The following LIMS2 variants were observed in gnomAD, a reference collection of about 807,000 sequenced individuals.
LIMS2 encodes LIM and senescent cell antigen-like-containing domain protein 2.
A neutral mutation model predicts 45.3 loss-of-function variants in LIMS2; 30 were observed. The observed-to-expected ratio is 0.66, with a 90% CI of 0.50 to 0.90. The LOEUF is 0.90. LIMS2 is among the 40% of genes least tolerant of loss of function. The probability of loss-of-function intolerance (pLI) is 0.00; values close to 1 mark genes in which losing one functional copy is unlikely to be tolerated. For synonymous variants in LIMS2, 173 were observed against 188.0 expected, an observed-to-expected ratio of 0.92 and a Z score of 0.65; for missense variants, 485 against 468.7, an observed-to-expected ratio of 1.03 and a Z score of -0.32.
In LIMS2 at chr2:127,667,901, T is replaced by A. The variant is rs1052736570; in HGVS notation, c.11+7113A>T. ...AAGGAAGAGTAAAACTATTTTTATT[T>A]ACATATTACATACTCATATATAGAA... On this transcript the variant is annotated intron_variant, in intron 1 of 9. Transcript: ENST00000355119. The surrounding 1 kb of genome is among the most constrained non-coding windows in gnomAD (Gnocchi z 4.1). Among the ~76,000 whole-genome samples the A allele has an allele frequency of 6.6e-6, 1 of 152,246 alleles. No homozygotes were observed. Among genetic ancestry groups the A allele is most frequent in the African/African-American group, 2.4e-5 (1 of 41,460 alleles).
chr2:127,660,233 T>C (rs1684529125), intron 1 of LIMS2, among the ~76,000 whole-genome samples: 1 of 152,136 alleles, frequency 6.6e-6, no homozygotes. Context: ...ATTAGCACTC[T>C]GTAAAATGGA....
chr2:127,657,422 G>A lies in LIMS2; in HGVS notation c.152C>T (p.Pro51Leu). ...FVCAQCFRPF[P>L]EGLFYEFEGR... ...CCTCACCTCATAGAAGAGCCCCTCGGGGAAGGGCCGGAAGCACTGGGCACA... is the reference window on the plus strand; with the variant it reads ...CCTCACCTCATAGAAGAGCCCCTCGAGGAAGGGCCGGAAGCACTGGGCACA... The change falls in exon 2 of 10, where the codon CCC (proline) becomes CTC (leucine). Residue 51 changes from proline (P) to leucine (L), a missense_variant. Physicochemically the swap from Pro to Leu is moderately conservative, Grantham distance 98. Transcript: ENST00000355119. 6.2e-7 allele frequency: 1 copy of A among 1,613,898 alleles called. No individual in the cohort carries two copies.
rs1682353160 is a variant in LIMS2 at position 127,641,008 on chromosome 2, G to A, written c.661-20C>T. 3 of 1,608,574 alleles carry A rather than the reference G, an allele frequency of 1.9e-6. No individual in the cohort carries two copies. ...AAAGTGCTGCAAGGACAAAGGGCGG[G>A]CCGGGTGGCATCAGGGCTAGAGCGG... On this transcript the variant is annotated intron_variant, in intron 6 of 9. Coordinates refer to ENST00000355119, the MANE Select transcript of LIMS2 (RefSeq NM_001161403.3).
Position 127,647,132 on chromosome 2 carries a change from T to C in LIMS2, c.360-4060A>G, listed in dbSNP as rs1683075236. ...CCACCCCTGCCGTCACTCAGGGCCC[T>C]GAGCCCAGTAACACTCTGCCGTCAC... is the stretch of plus-strand genomic sequence containing the variant. On this transcript the variant is annotated intron_variant, in intron 4 of 9. Transcript: ENST00000355119. This position sits in a 1 kb window ranked among gnomAD's most constrained non-coding sequence, Gnocchi z 4.3. 6.6e-6 allele frequency among the ~76,000 whole-genome samples: 1 copy of C among 152,180 alleles called. No individual in the cohort carries two copies. The highest frequency in any genetic ancestry group is 1.5e-5 in the Non-Finnish European group (1 of 68,022).
Position 127,664,652 on chromosome 2 carries a change from C to T in LIMS2, c.12-7090G>A. 7 of 1,071,734 alleles carry T rather than the reference C, an allele frequency of 6.5e-6. No homozygotes were observed. The highest frequency in any genetic ancestry group is 7.9e-6 in the Non-Finnish European group (7 of 883,856). The allele number at this position is 1,071,734 out of a possible 1,614,324, so 66.4% of individuals were successfully genotyped here. On this transcript the variant is annotated intron_variant, in intron 1 of 9. Transcript: ENST00000355119. This position sits in a 1 kb window ranked among gnomAD's most constrained non-coding sequence, Gnocchi z 5.5. Reference sequence around the variant, plus strand: ...TGAGGCTGGCGGGGGTTGGGTCCCGCTGGGAGGGGACTGGTCTGGGAAGGC... The same window carrying T: ...TGAGGCTGGCGGGGGTTGGGTCCCGTTGGGAGGGGACTGGTCTGGGAAGGC...
chr2:127,659,081 G>A (rs905596224), intron 1 of LIMS2, among the ~76,000 whole-genome samples: 1 of 152,300 alleles, frequency 6.6e-6, no homozygotes, highest in East Asian at 1.9e-4. Flanking sequence ...CTTAGGGTCT[G>A]GGCATGGGCT....
At chr2:127,663,008 G>A (rs1254391481) in intron 1 of LIMS2, among the ~76,000 whole-genome samples, 1 of 152,142 alleles carries the variant, frequency 6.6e-6, no homozygotes, top group Non-Finnish European at 1.5e-5. Context: ...ACTGACAAAG[G>A]ACATGAACCA....
At position 127,664,411 on chromosome 2, in the gene LIMS2, G is replaced by GT; in HGVS notation, c.12-6850dup. Reference sequence around the variant, plus strand: ...CATGGCGCGGGGCAGCCGCCTTGAGGTCGCGGGCGCGGGCCGCCTGGTGCA... The same window carrying GT: ...CATGGCGCGGGGCAGCCGCCTTGAGGTTCGCGGGCGCGGGCCGCCTGGTGCA... On this transcript the variant is annotated intron_variant, in intron 1 of 9. Coordinates refer to ENST00000355119, the MANE Select transcript of LIMS2 (RefSeq NM_001161403.3). This position sits in a 1 kb window ranked among gnomAD's most constrained non-coding sequence, Gnocchi z 5.5. The GT allele has an allele frequency of 8.4e-7, 1 of 1,196,596 alleles. No homozygotes were observed. Among genetic ancestry groups the GT allele is most frequent in the East Asian group, 3.5e-5 (1 of 28,294 alleles). The allele number at this position is 1,196,596 out of a possible 1,614,324, so 74.1% of individuals were successfully genotyped here.
At position 127,672,677 on chromosome 2, in the gene LIMS2, TC is replaced by T. The variant is rs1481795806; in HGVS notation, c.11+2336del. 6.6e-6 allele frequency among the ~76,000 whole-genome samples: 1 copy of T among 152,136 alleles called. No homozygotes were observed. Among genetic ancestry groups the T allele is most frequent in the Non-Finnish European group, 1.5e-5 (1 of 68,022 alleles). On this transcript the variant is annotated intron_variant, in intron 1 of 9. Transcript: ENST00000355119. This position sits in a 1 kb window ranked among gnomAD's most constrained non-coding sequence, Gnocchi z 4.9. ...CCCTAGTGGCTGCCTTCTGTCTCCT[TC>T]CCCATCTCCTTCCCAGCAGCCCTTT...
rs567134232 is a variant in LIMS2, at chr2:127,669,328, G to C, written c.11+5686C>G. Among the ~76,000 whole-genome samples the C allele has an allele frequency of 2.6e-5, 4 of 152,190 alleles. No homozygotes were observed. The South Asian group carries it at 6.2e-4, about 24-fold the overall frequency. On this transcript the variant is annotated intron_variant, in intron 1 of 9. Transcript: ENST00000355119. ...AAAAACTCAAGCAACTAAAGAATAA[G>C]GAAATAAATTGGATTTCATTAAAAG...
chr2:127,674,959 C>G (rs1223609658), intron 1 of LIMS2, 55 bp downstream of exon 1: 6 of 1,226,828 alleles, frequency 4.9e-6, no homozygotes, highest in Non-Finnish European at 6.1e-6. Context: ...GCGCCTCGGC[C>G]AGGGGTCCCG....
chr2:127,643,860 C>T (rs966254999), intron 4 of LIMS2, among the ~76,000 whole-genome samples: 1 of 152,208 alleles, frequency 6.6e-6, no homozygotes, highest in African/African-American at 2.4e-5. Context: ...CCAGGCCTCC[C>T]TTCCCAGGCC....
At chr2:127,649,866 T>C in intron 4 of LIMS2, 1 of 691,800 alleles carries the variant, frequency 1.4e-6, no homozygotes, top group South Asian at 1.8e-5. Flanking sequence ...GGCCAGTGTC[T>C]CTGACGCTGG....
Position 127,639,396 on chromosome 2 carries a change from AC to A in LIMS2, c.910del (p.Val304CysfsTer13). The A allele has an allele frequency of 6.2e-7, 1 of 1,613,878 alleles. No homozygotes were observed. On this transcript the variant is annotated frameshift_variant, in exon 10 of 10. Coordinates refer to ENST00000355119, the MANE Select transcript of LIMS2 (RefSeq NM_001161403.3). LOFTEE classifies it high-confidence loss of function. ...GAACTTCTCGTAGCACCTCTTACAC[AC>A]GGGCTTCATGTCGAACTCCACAAAC... ...NKFVEFDMKP[V>X]CKRCYEKFPL...
intron 6 of LIMS2, 67 bp downstream of exon 6, chr2:127,641,982 C>G: frequency 1.9e-6 from 3 of 1,549,526 alleles, no homozygotes; most frequent in Non-Finnish European, 2.6e-6. Flanking sequence ...AGCTTTAGGG[C>G]TCTTACCATG....
At chr2:127,676,575 C>T (rs544087630), upstream of LIMS2, among the ~76,000 whole-genome samples, 2 of 152,198 alleles carry the variant, frequency 1.3e-5, no homozygotes, top group Non-Finnish European at 2.9e-5. Flanking sequence ...CCACACCCAG[C>T]TAATTTTGTA....
chr2:127,641,266 G>A (rs558941296), intron 6 of LIMS2: 10 of 317,704 alleles, frequency 3.1e-5, no homozygotes, highest in South Asian at 1.4e-4. Flanking sequence ...GTAACCTTGT[G>A]AGTCACCATC....
intron 7 of LIMS2, 188 bp from the exon 8 acceptor site, chr2:127,640,506 C>T: frequency 1.5e-6 from 1 of 649,778 alleles, no homozygotes; most frequent in Non-Finnish European, 2.7e-6. Flanking sequence ...CCGGGAAGGA[C>T]AACAGGCTGG....
Position 127,654,429 on chromosome 2 carries a change from G to A in LIMS2, c.354C>T (p.Ala118=), listed in dbSNP as rs201972427. Residue 118 remains alanine, a synonymous_variant, in exon 4 of 10, where the codon GCC becomes GCT. Transcript: ENST00000355119. The stretch of plus-strand genomic sequence containing the variant: ...GCCCAACACGGCCACCTCACCTGCC[G>A]GCATTCTTCACAAAGCCCAGGTCAG... ...ELADLGFVKN[A]GRHLCRPCHN... The A allele has an allele frequency of 1.2e-5, 19 of 1,614,044 alleles. No individual in the cohort carries two copies. The highest frequency in any genetic ancestry group is 1.7e-4 in the Middle Eastern group (1 of 6,056).
Sources: gnomAD v4.1 joint callset for allele counts (sites outside exome capture counted in the v4.1 genomes callset) on GRCh38, gnomAD v4.1.1 for gene constraint, Gnocchi (gnomAD v3.1) non-coding constraint, MANE v1.5 for transcripts, NCBI Gene and HGNC (gene_info 2026-07-23, HGNC 2026-07-21) for gene names.